ACP7: variants seen among roughly 807,000 people sequenced by gnomAD.
ACP7 encodes acid phosphatase 7, tartrate resistant (putative).
ACP7 carries 58 observed loss-of-function variants against 60.6 expected under a neutral mutation model. The observed-to-expected ratio is 0.96, with a 90% confidence interval of 0.77 to 1.19. ACP7 has a LOEUF of 1.19. Among genes scored for constraint, ACP7 ranks in the 50% most tolerant of loss-of-function variants. The probability of loss-of-function intolerance (pLI) is 0.00; values close to 1 mark genes in which losing one functional copy is unlikely to be tolerated. For missense variants in ACP7, 574 were observed against 596.2 expected (o/e 0.96, Z 0.39); for synonymous variants, 237 against 232.6 (o/e 1.02, Z -0.17).
rs752103117 is a variant in ACP7 at position 39,085,278 on chromosome 19, C to A, written c.9C>A (p.Pro3=). The change falls in exon 2 of 13, where the codon CCC becomes CCA. Residue 3 remains proline (P), a synonymous_variant. Coordinates refer to ENST00000331256, the MANE Select transcript of ACP7 (RefSeq NM_001004318.3). ...ATCACCACCCCACCACCATGCACCCCCTTCCTGGCTACTGGTCCTGTTACT... is the reference window on the plus strand; with the variant it reads ...ATCACCACCCCACCACCATGCACCCACTTCCTGGCTACTGGTCCTGTTACT... The part of the protein sequence containing the change: MH[P]LPGYWSCYCL... The A allele has an allele frequency of 8.1e-6, 13 of 1,612,910 alleles. No individual in the cohort carries two copies. In the Admixed American group the frequency reaches 2.2e-4, roughly 27 times the overall value.
At chr19:39,097,747 G>A (rs1445683565) in intron 2 of ACP7, among the ~76,000 whole-genome samples, 1 of 151,794 alleles carries the variant, frequency 6.6e-6, no homozygotes, top group African/African-American at 2.4e-5. Context: ...ACAATAGTTG[G>A]CACAAGACCT....
chr19:39,090,790 CTTT>C (rs35453957), intron 2 of ACP7, among the ~76,000 whole-genome samples: 5 of 133,428 alleles, frequency 3.7e-5, no homozygotes, highest in Admixed American at 7.7e-5. Flanking sequence ...CTTCCCACTT[CTTT>C]TTTTTTTTTT....
At chr19:39,084,625 C>A (rs1370558835) in intron 1 of ACP7, among the ~76,000 whole-genome samples, 1 of 151,508 alleles carries the variant, frequency 6.6e-6, no homozygotes, top group East Asian at 1.9e-4. Context: ...GGATTGGGGT[C>A]ACTAGGAGCA....
At chr19:39,102,118 T>TCACACA (rs755325181) in intron 11 of ACP7, among the ~76,000 whole-genome samples, 5,557 of 132,844 alleles carry the variant, frequency 0.042, 240 homozygotes, top group African/African-American at 0.096. Context: ...AGACCCTTTC[T>TCACACA]CTCACACACA....
intron 2 of ACP7, among the ~76,000 whole-genome samples, chr19:39,096,877 C>T (rs368455622): frequency 1.9e-3 from 283 of 152,268 alleles, no homozygotes; most frequent in African/African-American, 6.4e-3. Flanking sequence ...TCTTGGCTCA[C>T]GGCAACCTCC....
At chr19:39,092,067 A>G (rs1388927586) in intron 2 of ACP7, among the ~76,000 whole-genome samples, 1 of 151,860 alleles carries the variant, frequency 6.6e-6, no homozygotes, top group Non-Finnish European at 1.5e-5. Context: ...CGATATATTT[A>G]TTTGTTTAAT....
intron 11 of ACP7, among the ~76,000 whole-genome samples, 183 bp from the exon 12 acceptor site, chr19:39,106,764 T>A (rs1172950618): frequency 6.6e-6 from 1 of 152,162 alleles, no homozygotes; most frequent in Non-Finnish European, 1.5e-5. Context: ...CCTCAAGTGA[T>A]CCGCCCTTCT....
At position 39,110,481 on chromosome 19, in the gene ACP7, G is replaced by C; in HGVS notation, c.*363G>C. On this transcript the variant is annotated 3_prime_UTR_variant, in exon 13 of 13. Coordinates refer to ENST00000331256, the MANE Select transcript of ACP7 (RefSeq NM_001004318.3). The stretch of plus-strand genomic sequence containing the variant: ...ATTCTGCACATCTGCGGGGGATGCC[G>C]CTGGGCTTCCTCCTCTCCTGCCCAC... The C allele has an allele frequency of 5.4e-6, 1 of 186,314 alleles. No individual in the cohort carries two copies. Among genetic ancestry groups the C allele is most frequent in the Non-Finnish European group, 1.1e-5 (1 of 90,116 alleles). 11.5% of individuals were successfully genotyped at this position (186,314 alleles called of 1,614,324 possible). A position where few individuals can be genotyped will look rare whatever the true frequency, so the allele number is the denominator to read the frequency against.
At position 39,100,987 on chromosome 19, in the gene ACP7, C is replaced by T; in HGVS notation, c.846C>T (p.Ile282=). ...NKNRAARPWI[I]TMGHRPMYCS... ...ACCGGGCAGCCCGGCCGTGGATCAT[C>T]ACTATGGGGCACCGGCCCATGTACT... Residue 282 remains isoleucine (I), a synonymous_variant, in exon 8 of 13, where the codon ATC becomes ATT. Coordinates refer to ENST00000331256, the MANE Select transcript of ACP7 (RefSeq NM_001004318.3). 6.2e-7 allele frequency: 1 copy of T among 1,613,512 alleles called. No homozygotes were observed. The highest frequency in any genetic ancestry group is 1.3e-5 in the African/African-American group (1 of 74,924).
At chr19:39,106,510 T>C (rs113430763) in intron 11 of ACP7, among the ~76,000 whole-genome samples, 167 of 152,252 alleles carry the variant, frequency 1.1e-3, no homozygotes, top group African/African-American at 3.9e-3. Context: ...GTGAGTATTA[T>C]TGTGGCCAAG....
At chr19:39,102,009 A>G (rs2073351941) in intron 11 of ACP7, among the ~76,000 whole-genome samples, 1 of 151,802 alleles carries the variant, frequency 6.6e-6, no homozygotes, top group Non-Finnish European at 1.5e-5. Context: ...AATTTTAGCT[A>G]TTCAAAAAGA....
Position 39,098,979 on chromosome 19 carries a change from G to T in ACP7, c.342G>T (p.Ala114=), listed in dbSNP as rs1464156924. ...GVQYVYRCGS[A]QGWSRRFRFR... ...ATTCAGTTTATCGCTGTGGCAGTGCGCAGGGCTGGAGCCGTCGGTTCCGCT... is the reference window on the plus strand; with the variant it reads ...ATTCAGTTTATCGCTGTGGCAGTGCTCAGGGCTGGAGCCGTCGGTTCCGCT... The change falls in exon 4 of 13, where the codon GCG becomes GCT. Residue 114 remains alanine, a synonymous_variant. Coordinates refer to ENST00000331256, the MANE Select transcript of ACP7 (RefSeq NM_001004318.3). The T allele has an allele frequency of 1.2e-6, 2 of 1,611,140 alleles. No homozygotes were observed. Among genetic ancestry groups the T allele is most frequent in the Admixed American group, 1.7e-5 (1 of 59,870 alleles).
intron 3 of ACP7, 28 bp from the exon 4 acceptor site, chr19:39,098,932 G>T (rs750606345): frequency 1.2e-6 from 2 of 1,601,138 alleles, no homozygotes; most frequent in Admixed American, 3.4e-5. Context: ...CGCCCCAGCT[G>T]ACTGCGACCT....
At chr19:39,102,717 T>TCTC (rs201043485) in intron 11 of ACP7, among the ~76,000 whole-genome samples, 1 of 67,972 alleles carries the variant, frequency 1.5e-5, no homozygotes, top group Non-Finnish European at 3.1e-5. Flanking sequence ...ATGAAGACTT[T>TCTC]TCTTTCTTTC....
intron 11 of ACP7, among the ~76,000 whole-genome samples, chr19:39,105,719 C>T (rs990429706): frequency 2.6e-5 from 4 of 151,966 alleles, no homozygotes; most frequent in Non-Finnish European, 5.9e-5. Flanking sequence ...GCCATGTTGC[C>T]CAGGCTGGTC....
At chr19:39,088,421 C>T (rs958768479) in intron 2 of ACP7, among the ~76,000 whole-genome samples, 1 of 152,214 alleles carries the variant, frequency 6.6e-6, no homozygotes, top group Non-Finnish European at 1.5e-5. Context: ...GGACAAAGCG[C>T]TTTGCCTGGA....
intron 2 of ACP7, among the ~76,000 whole-genome samples, chr19:39,096,755 G>A (rs531044173): frequency 6.6e-6 from 1 of 152,302 alleles, no homozygotes; most frequent in South Asian, 2.1e-4. Context: ...TGGCTGGGGA[G>A]GCCTCAGAAT....
intron 2 of ACP7, among the ~76,000 whole-genome samples, chr19:39,095,692 A>G (rs1304205144): frequency 6.6e-6 from 1 of 152,232 alleles, no homozygotes; most frequent in East Asian, 1.9e-4. Context: ...TGGGGGCTCC[A>G]GCCCCACATT....
At chr19:39,093,240 CTCTT>C (rs1007773062) in intron 2 of ACP7, among the ~76,000 whole-genome samples, 10 of 142,188 alleles carry the variant, frequency 7.0e-5, no homozygotes, top group South Asian at 2.2e-4. Context: ...CTCTCTCTCT[CTCTT>C]TCTTTCTTTC....
Sources: gnomAD v4.1 joint callset for allele counts (sites outside exome capture counted in the v4.1 genomes callset) on GRCh38, gnomAD v4.1.1 for gene constraint, MANE v1.5 for transcripts, NCBI Gene and HGNC (gene_info 2026-07-23, HGNC 2026-07-21) for gene names.